Variants in GPR89B observed in about 807,000 individuals in gnomAD.
GPR89B encodes golgi pH regulator B.
GPR89B carries 25 observed loss-of-function variants against 52.4 expected under a neutral mutation model. That is an observed-to-expected ratio of 0.48 (90% CI 0.35 to 0.67). GPR89B has a LOEUF of 0.67. Among genes scored for constraint, GPR89B ranks in the 30% least tolerant of loss-of-function variants. The pLI, the probability that GPR89B is intolerant of heterozygous loss-of-function variation, is 0.01. For missense variants in GPR89B, 146 were observed against 450.2 expected, an observed-to-expected ratio of 0.32 and a Z score of 6.11; for synonymous variants, 52 against 151.2, an observed-to-expected ratio of 0.34 and a Z score of 4.81.
intron 12 of GPR89B, among the ~76,000 whole-genome samples, 190 bp from the exon 13 acceptor site, chr1:147,992,311 AG>A (rs1659126270): frequency 6.8e-6 from 1 of 146,976 alleles, no homozygotes; most frequent in African/African-American, 2.5e-5. Context: ...AATTACCCCC[AG>A]GGGGAAAGTA....
chr1:148,010,610 C>G, the GPR89B span: 1 of 152,412 alleles, frequency 6.6e-6, no homozygotes, highest in African/African-American at 2.4e-5. Flanking sequence ...GCTCCTGGGT[C>G]TTTGAAAGCC....
chr1:147,950,759 C>A (rs1249127564), intron 5 of GPR89B, among the ~76,000 whole-genome samples: 1 of 152,126 alleles, frequency 6.6e-6, no homozygotes, highest in Non-Finnish European at 1.5e-5. Flanking sequence ...AGTGAAACCC[C>A]GTCTCCACCA....
intron 10 of GPR89B, among the ~76,000 whole-genome samples, chr1:147,982,878 A>ATTCC (rs1658377984): frequency 6.6e-6 from 1 of 152,046 alleles, no homozygotes; most frequent in Admixed American, 6.6e-5. Context: ...TGTAAGTTGG[A>ATTCC]TTCCTAGGTA....
chr1:148,021,540 G>C, the GPR89B span, among the ~76,000 whole-genome samples: 3 of 151,502 alleles, frequency 2.0e-5, no homozygotes, highest in African/African-American at 7.3e-5. Context: ...ACAAGCAGTG[G>C]TGGGGAACTG....
chr1:148,020,919 C>T, the GPR89B span, among the ~76,000 whole-genome samples: 2 of 151,712 alleles, frequency 1.3e-5, no homozygotes, highest in East Asian at 3.9e-4. Flanking sequence ...AACTACTGAC[C>T]TCACATGATC....
At chr1:147,931,688 C>T (rs1196615257) in intron 1 of GPR89B, among the ~76,000 whole-genome samples, 1 of 151,672 alleles carries the variant, frequency 6.6e-6, no homozygotes, top group African/African-American at 2.4e-5. Flanking sequence ...CACCCAGGTA[C>T]TGAGCGTAGT....
chr1:148,019,108 C>T, the GPR89B span, among the ~76,000 whole-genome samples: 2 of 151,612 alleles, frequency 1.3e-5, no homozygotes, highest in African/African-American at 4.9e-5. Context: ...TCCCGAGTAG[C>T]TGGGACTATA....
At chr1:147,938,318 T>C (rs1558034267) in intron 2 of GPR89B, among the ~76,000 whole-genome samples, 1 of 151,754 alleles carries the variant, frequency 6.6e-6, no homozygotes, top group Non-Finnish European at 1.5e-5. Flanking sequence ...TTCTGCCCAA[T>C]ACTTTAAGAC....
chr1:147,928,693 C>G, intron 1 of GPR89B, 115 bp downstream of exon 1: 1 of 1,427,282 alleles, frequency 7.0e-7, no homozygotes, highest in Non-Finnish European at 9.8e-7. Flanking sequence ...ACGCGGCCTG[C>G]GCCAGTCACT....
chr1:148,023,233 G>T, the GPR89B span, among the ~76,000 whole-genome samples: 2 of 145,250 alleles, frequency 1.4e-5, no homozygotes, highest in Non-Finnish European at 3.0e-5. Flanking sequence ...CCAGATTATG[G>T]CCTCCTGTTC....
chr1:147,958,582 G>A (rs1656298074), intron 7 of GPR89B, among the ~76,000 whole-genome samples: 2 of 144,782 alleles, frequency 1.4e-5, no homozygotes, highest in Non-Finnish European at 3.0e-5. Context: ...AGAGGTTGCA[G>A]TGAGCCGAGA....
Position 147,992,458 on chromosome 1 carries a change from A to C in GPR89B, c.1096-44A>C, listed in dbSNP as rs1361785767. The C allele has an allele frequency of 3.2e-3, 5,115 of 1,601,336 alleles. 24 individuals carry two copies. The highest frequency in any genetic ancestry group is 4.0e-3 in the Non-Finnish European group (4,688 of 1,170,824). ...TATTTCTTACTGTTCGTGACACAGGAATCTAACAGTACTGCATAAATTTAT... is the reference window on the plus strand; with the variant it reads ...TATTTCTTACTGTTCGTGACACAGGCATCTAACAGTACTGCATAAATTTAT... On this transcript the variant is annotated intron_variant, in intron 12 of 13. Coordinates refer to ENST00000314163, the MANE Select transcript of GPR89B (RefSeq NM_016334.5).
At chr1:148,006,340 C>T in the GPR89B span, among the ~76,000 whole-genome samples, 41 of 152,198 alleles carry the variant, frequency 2.7e-4, no homozygotes, top group East Asian at 4.6e-3. Flanking sequence ...TCGTATGCTG[C>T]GGAGTCATCT....
rs1458896796 is a variant in GPR89B at position 147,969,462 on chromosome 1, T to G, written c.817-405T>G. ...GTGAAGATTGCAAACTTTTAATTCT[T>G]TTTGAGGATAACTTTACAGGAGTAA... On this transcript the variant is annotated intron_variant, in intron 9 of 13. Coordinates refer to ENST00000314163, the MANE Select transcript of GPR89B (RefSeq NM_016334.5). The G allele has an allele frequency of 1.1e-3, 213 of 193,264 alleles. 1 individual carries two copies. The highest frequency in any genetic ancestry group is 4.8e-3 in the African/African-American group (202 of 41,764). 12.0% of individuals were successfully genotyped at this position (193,264 alleles called of 1,614,324 possible). A position where few individuals can be genotyped will look rare whatever the true frequency, so the allele number is the denominator to read the frequency against.
the GPR89B span, among the ~76,000 whole-genome samples, chr1:148,007,870 G>A: frequency 6.6e-6 from 1 of 151,580 alleles, no homozygotes; most frequent in Middle Eastern, 3.4e-3. Flanking sequence ...TGAGTAGTAA[G>A]TAGTAAGACT....
intron 5 of GPR89B, among the ~76,000 whole-genome samples, chr1:147,947,333 C>CA (rs1167267658): frequency 0.09 from 6,587 of 73,014 alleles, 276 homozygotes; most frequent in African/African-American, 0.24. Context: ...GCGAGACTCT[C>CA]AAAAAAAAAA....
At chr1:148,019,996 T>A in the GPR89B span, among the ~76,000 whole-genome samples, 1 of 151,804 alleles carries the variant, frequency 6.6e-6, no homozygotes, top group African/African-American at 2.4e-5. Context: ...TCCTGGAGTA[T>A]CCCAGGCACA....
chr1:148,013,761 G>T, the GPR89B span, among the ~76,000 whole-genome samples: 1 of 152,018 alleles, frequency 6.6e-6, no homozygotes, highest in Non-Finnish European at 1.5e-5. Context: ...CTGTCCTCCT[G>T]GGGTTAAGAG....
chr1:147,928,611 C>G (rs1211573140), intron 1 of GPR89B, 33 bp downstream of exon 1: 116 of 1,613,360 alleles, frequency 7.2e-5, no homozygotes, highest in Non-Finnish European at 9.5e-5. Flanking sequence ...GACACCCGTC[C>G]GCCTCCCTTC....
Sources: gnomAD v4.1 joint callset for allele counts (sites outside exome capture counted in the v4.1 genomes callset) on GRCh38, gnomAD v4.1.1 for gene constraint, MANE v1.5 for transcripts, NCBI Gene and HGNC (gene_info 2026-07-23, HGNC 2026-07-21) for gene names.